NOL9: variants seen among roughly 807,000 people sequenced by gnomAD.
NOL9 encodes the protein nucleolar protein 9.
Under a neutral mutation model 67.9 loss-of-function variants are expected in NOL9, and 28 were observed. The observed-to-expected ratio is 0.41, with a 90% CI of 0.31 to 0.57. NOL9 has a LOEUF of 0.57. Among genes scored for constraint, NOL9 ranks in the 20% least tolerant of loss-of-function variants. The probability of loss-of-function intolerance (pLI) is 0.25; values close to 1 mark genes in which losing one functional copy is unlikely to be tolerated. For synonymous variants in NOL9, 356 were observed against 352.2 expected, an observed-to-expected ratio of 1.01 and a Z score of -0.12; for missense variants, 777 against 897.0, an observed-to-expected ratio of 0.87 and a Z score of 1.71.
chr1:6,533,419 C>T lies in NOL9; in HGVS notation c.1098G>A (p.Arg366=), dbSNP rs1373343932. The T allele has an allele frequency of 1.2e-6, 2 of 1,601,686 alleles. No homozygotes were observed. Among genetic ancestry groups the T allele is most frequent in the South Asian group, 2.2e-5 (2 of 89,070 alleles). ...PVLGPPFTHL[R]TPQKMVYYGK... Reference sequence around the variant, plus strand: ...CATAATATACCATCTTCTGTGGAGTCCTCAGGTGAGTGAAAGGTGGTCCTA... The same window carrying T: ...CATAATATACCATCTTCTGTGGAGTTCTCAGGTGAGTGAAAGGTGGTCCTA... The change falls in exon 7 of 12, where the codon AGG becomes AGA. Residue 366 remains arginine (R), a synonymous_variant. Coordinates refer to ENST00000377705, the MANE Select transcript of NOL9 (RefSeq NM_024654.5).
At chr1:6,553,974 T>A in intron 1 of NOL9, 133 bp downstream of exon 1, 1 of 678,562 alleles carries the variant, frequency 1.5e-6, no homozygotes, top group Non-Finnish European at 2.3e-6. Flanking sequence ...ATCAAGAGGA[T>A]GGACTTGAAT....
chr1:6,546,819 TTTC>T (rs1639431117), intron 3 of NOL9, among the ~76,000 whole-genome samples: 1 of 152,230 alleles, frequency 6.6e-6, no homozygotes, highest in East Asian at 1.9e-4. Context: ...TAGTGCTTCA[TTTC>T]TTTTCTTCCC....
chr1:6,540,113 GGA>G (rs1039902530), intron 6 of NOL9, among the ~76,000 whole-genome samples: 6 of 134,968 alleles, frequency 4.4e-5, no homozygotes, highest in South Asian at 2.5e-4. Context: ...AGCCTCCCAA[GGA>G]GAGTTATTCT....
At position 6,541,888 on chromosome 1, in the gene NOL9, C is replaced by T; in HGVS notation, c.1017G>A (p.Gln339=). Residue 339 remains glutamine (Q), a synonymous_variant, in exon 6 of 12, where the codon CAG becomes CAA. Coordinates refer to ENST00000377705, the MANE Select transcript of NOL9 (RefSeq NM_024654.5). ...CVDYLECDLG[Q]TEFTPPGCIS... Reference sequence around the variant, plus strand: ...TGCAACCAGGAGGGGTAAATTCTGTCTGTCCCAGATCACATTCCAAATAGT... The same window carrying T: ...TGCAACCAGGAGGGGTAAATTCTGTTTGTCCCAGATCACATTCCAAATAGT... The T allele has an allele frequency of 6.2e-7, 1 of 1,608,844 alleles. No homozygotes were observed. The highest frequency in any genetic ancestry group is 2.2e-5 in the East Asian group (1 of 44,720).
chr1:6,550,109 G>A (rs1192783956), intron 2 of NOL9, among the ~76,000 whole-genome samples: 1 of 152,010 alleles, frequency 6.6e-6, no homozygotes. Context: ...TCGGCCTACT[G>A]CAAGCTCCGC....
chr1:6,527,196 G>A (rs1638905875), intron 10 of NOL9, among the ~76,000 whole-genome samples: 1 of 150,696 alleles, frequency 6.6e-6, no homozygotes, highest in Non-Finnish European at 1.5e-5. Context: ...GCAGTGAGCC[G>A]AGATGGCGCC....
Position 6,554,212 on chromosome 1 carries a change from G to A in NOL9, c.291C>T (p.Ser97=), listed in dbSNP as rs892593603. The change falls in exon 1 of 12, where the codon TCC becomes TCT. Residue 97 remains serine (S), a synonymous_variant. Transcript: ENST00000377705. ...PSPTPASEPE[S]EPELESASSC... is the part of the protein sequence containing the mutation. ...TCGAGGCGGATTCGAGTTCGGGTTC[G>A]GACTCGGGTTCGGAGGCCGGGGTCG... 1.3e-6 allele frequency: 2 copies of A among 1,519,028 alleles called. No homozygotes were observed. Among genetic ancestry groups the A allele is most frequent in the East Asian group, 2.8e-5 (1 of 36,270 alleles). 94.1% of individuals were successfully genotyped at this position (1,519,028 alleles called of 1,614,324 possible).
intron 3 of NOL9, among the ~76,000 whole-genome samples, chr1:6,546,983 C>T (rs1570079188): frequency 6.6e-6 from 1 of 152,186 alleles, no homozygotes; most frequent in East Asian, 1.9e-4. Flanking sequence ...CAGCAGCTTT[C>T]GCCACCGCTG....
At chr1:6,530,589 G>A (rs1639002521) in intron 9 of NOL9, among the ~76,000 whole-genome samples, 1 of 152,182 alleles carries the variant, frequency 6.6e-6, no homozygotes, top group Non-Finnish European at 1.5e-5. Context: ...TTAGCAAAGT[G>A]ACTTAGACTC....
In NOL9 at chr1:6,524,683, G is replaced by C. The variant is rs1374406600; in HGVS notation, c.*1171C>G. The stretch of plus-strand genomic sequence containing the variant: ...TGTGGTTGTCTCTGGCCTCAGATCA[G>C]AAGTCAATTTGGACAAATCTACTTT... On this transcript the variant is annotated 3_prime_UTR_variant, in exon 12 of 12. Transcript: ENST00000377705. 1 of 152,080 alleles carries C rather than the reference G, an allele frequency of 6.6e-6. No individual in the cohort carries two copies. Among genetic ancestry groups the C allele is most frequent in the Non-Finnish European group, 1.5e-5 (1 of 68,020 alleles). The allele number at this position is 152,080 out of a possible 1,614,324, so 9.4% of individuals were successfully genotyped here. A position where few individuals can be genotyped will look rare whatever the true frequency, so the allele number is the denominator to read the frequency against.
In NOL9 at chr1:6,525,740, G is replaced by A; in HGVS notation, c.*114C>T. On this transcript the variant is annotated 3_prime_UTR_variant, in exon 12 of 12. Coordinates refer to ENST00000377705, the MANE Select transcript of NOL9 (RefSeq NM_024654.5). ...ATTCACGAATTACACAAAAAACACT[G>A]TTGCTAATAAGGGCACCATTCATGG... 1.9e-6 allele frequency: 2 copies of A among 1,069,684 alleles called. No homozygotes were observed. 66.3% of individuals were successfully genotyped at this position (1,069,684 alleles called of 1,614,324 possible).
At chr1:6,540,845 A>C (rs1255309336) in intron 6 of NOL9, 1 of 151,934 alleles carries the variant, frequency 6.6e-6, no homozygotes, top group African/African-American at 2.4e-5. Flanking sequence ...AAAAAAAGCA[A>C]GCAAGGTGGT....
chr1:6,549,049 A>C (rs1639483443), intron 3 of NOL9, among the ~76,000 whole-genome samples: 1 of 151,982 alleles, frequency 6.6e-6, no homozygotes. Flanking sequence ...ACACCACTGC[A>C]CTCTAGCCTG....
At chr1:6,552,306 G>C (rs978177144) in intron 1 of NOL9, among the ~76,000 whole-genome samples, 24 of 152,160 alleles carry the variant, frequency 1.6e-4, no homozygotes, top group Non-Finnish European at 3.2e-4. Context: ...GATTACAGGC[G>C]TGAGCCACCA....
At chr1:6,549,030 C>G (rs923374563) in intron 3 of NOL9, among the ~76,000 whole-genome samples, 3 of 151,616 alleles carry the variant, frequency 2.0e-5, no homozygotes, top group Admixed American at 6.6e-5. Flanking sequence ...TGCAGTGAGC[C>G]GAGAGATCAC....
At chr1:6,535,865 T>A (rs894169672) in intron 6 of NOL9, among the ~76,000 whole-genome samples, 1 of 150,898 alleles carries the variant, frequency 6.6e-6, no homozygotes, top group Non-Finnish European at 1.5e-5. Context: ...GAGGCACAGG[T>A]TGCAGTGAGC....
At position 6,529,503 on chromosome 1, in the gene NOL9, G is replaced by A. The variant is rs1368298900; in HGVS notation, c.1648-332C>T. Among the ~76,000 whole-genome samples, 7 of 152,060 alleles carry A rather than the reference G, an allele frequency of 4.6e-5. No individual in the cohort carries two copies. The South Asian group carries it at 1.0e-3, about 23-fold the overall frequency. On this transcript the variant is annotated intron_variant, in intron 9 of 11. Coordinates refer to ENST00000377705, the MANE Select transcript of NOL9 (RefSeq NM_024654.5). ...CTCGGGAGGCTAAGGCAGAAGAATCGCTTGAACCTGGGAGGCGGAGGTTGC... is the reference window on the plus strand; with the variant it reads ...CTCGGGAGGCTAAGGCAGAAGAATCACTTGAACCTGGGAGGCGGAGGTTGC...
intron 6 of NOL9, among the ~76,000 whole-genome samples, chr1:6,536,517 C>T (rs1246057303): frequency 6.6e-6 from 1 of 151,028 alleles, no homozygotes; most frequent in Non-Finnish European, 1.5e-5. Flanking sequence ...CAGTGACAGA[C>T]TGAGATCCTG....
chr1:6,537,251 T>C (rs562748892), intron 6 of NOL9, among the ~76,000 whole-genome samples: 16 of 151,514 alleles, frequency 1.1e-4, no homozygotes, highest in Admixed American at 2.0e-4. Flanking sequence ...CAACTCAAAA[T>C]GGAATAAAGA....
Sources: allele counts gnomAD v4.1 joint callset (sites outside exome capture counted in the v4.1 genomes callset), GRCh38; gene constraint gnomAD v4.1.1; transcripts MANE v1.5; gene names NCBI Gene and HGNC (gene_info 2026-07-23, HGNC 2026-07-21).